CCDC18: variants seen among roughly 807,000 people sequenced by gnomAD.
CCDC18 encodes coiled-coil domain-containing protein 18.
Under a neutral mutation model 196.0 loss-of-function variants are expected in CCDC18, and 157 were observed. The observed-to-expected ratio is 0.80, with a 90% CI of 0.70 to 0.91. CCDC18 has a LOEUF of 0.91. CCDC18 is among the 40% of genes least tolerant of loss of function. The pLI, the probability that CCDC18 is intolerant of heterozygous loss-of-function variation, is 0.00. For synonymous variants in CCDC18, 482 were observed against 529.2 expected (o/e 0.91, Z 1.22); for missense variants, 1,465 against 1,611.6 (o/e 0.91, Z 1.56).
chr1:93,189,118 C>T (rs1390355189), intron 4 of CCDC18, among the ~76,000 whole-genome samples: 1 of 152,170 alleles, frequency 6.6e-6, no homozygotes, highest in East Asian at 1.9e-4. Context: ...CTCTCCCCAC[C>T]CCAACAACTG....
rs866033130 is a variant in CCDC18, at chr1:93,210,841, A to G, written c.1249A>G (p.Lys417Glu). The G allele has an allele frequency of 1.9e-6, 3 of 1,607,176 alleles. No homozygotes were observed. The highest frequency in any genetic ancestry group is 3.3e-4 in the Middle Eastern group (2 of 6,048). ...ATTTGGCTTTAAATCATATCTTTCT[A>G]AATACCAGATGAGTAGCTTCTCAAA... ...ELFGFKSYLSKYQMSSFSNKE... is the reference protein window; with the variant it reads ...ELFGFKSYLSEYQMSSFSNKE... Residue 417 changes from lysine (K) to glutamate (E), a missense_variant, in exon 10 of 29, where the codon AAA (lysine) becomes GAA (glutamate). Physicochemically the swap from Lys to Glu is moderately conservative, Grantham distance 56. Transcript: ENST00000690025.
rs756189232 is a variant in CCDC18, at chr1:93,183,406, G to A, written c.45G>A (p.Glu15=). 3 of 1,603,160 alleles carry A rather than the reference G, an allele frequency of 1.9e-6. No individual in the cohort carries two copies. The South Asian group carries it at 3.3e-5, about 18-fold the overall frequency. The part of the protein sequence containing the change: ...SSDYYNKDNE[E]ESLLANVASL... ...ACTACTATAATAAAGACAATGAAGAGGAAAGTTTGCTTGCAAATGTTGCTT... is the reference window on the plus strand; with the variant it reads ...ACTACTATAATAAAGACAATGAAGAAGAAAGTTTGCTTGCAAATGTTGCTT... Residue 15 remains glutamate, a synonymous_variant, in exon 2 of 29, where the codon GAG becomes GAA. Transcript: ENST00000690025.
Position 93,207,120 on chromosome 1 carries a change from G to C in CCDC18, c.931G>C (p.Glu311Gln). The C allele has an allele frequency of 6.7e-7, 1 of 1,495,946 alleles. No homozygotes were observed. 92.7% of individuals were successfully genotyped at this position (1,495,946 alleles called of 1,614,324 possible). A position where few individuals can be genotyped will look rare whatever the true frequency, so the allele number is the denominator to read the frequency against. ...TTTTCTTCATAGGCAGTTAAAAGAA[G>C]AAAATAACAACGGAAAAGAAAAATT... ...LKEKLRQLKE[E>Q]NNNGKEKLRI... Residue 311 changes from glutamate to glutamine, a missense_variant, in exon 9 of 29, where the codon GAA becomes CAA. By Grantham distance (29) the Glu-to-Gln change is conservative. Transcript: ENST00000690025.
intron 25 of CCDC18, among the ~76,000 whole-genome samples, chr1:93,258,083 A>C (rs894718171): frequency 7.4e-5 from 11 of 148,260 alleles, no homozygotes; most frequent in Non-Finnish European, 1.2e-4. Context: ...TAATTAAATT[A>C]ATTAAAATTA....
intron 6 of CCDC18, 114 bp downstream of exon 6, chr1:93,193,858 ATTAAC>A (rs1385953268): frequency 9.7e-6 from 7 of 720,548 alleles, no homozygotes; most frequent in African/African-American, 3.8e-5. Flanking sequence ...TTGGCAATAA[ATTAAC>A]TTAATGTTCT....
chr1:93,264,634 CTG>C, intron 26 of CCDC18, 65 bp from the exon 27 acceptor site: 1 of 896,934 alleles, frequency 1.1e-6, no homozygotes, highest in Non-Finnish European at 1.8e-6. Context: ...AAGCATTAGA[CTG>C]TTGTCGAATC....
chr1:93,248,076 C>G (rs568403375), intron 23 of CCDC18, among the ~76,000 whole-genome samples: 95 of 127,158 alleles, frequency 7.5e-4, no homozygotes, highest in African/African-American at 2.9e-3. Context: ...AGTGCAGTGG[C>G]TTGATCTCAG....
chr1:93,254,634 C>G lies in CCDC18; in HGVS notation c.3342+20C>G, dbSNP rs1187036739. 2 of 1,599,366 alleles carry G rather than the reference C, an allele frequency of 1.3e-6. No homozygotes were observed. The highest frequency in any genetic ancestry group is 3.5e-5 in the Admixed American group (2 of 57,560). ...GAGAGTGTAAGCAAATTATTTCCAC[C>G]TAAGGAACAAGTGGTAGTCTCTGTT... On this transcript the variant is annotated intron_variant, in intron 24 of 28. Coordinates refer to ENST00000690025, the MANE Select transcript of CCDC18 (RefSeq NM_001378204.1).
At chr1:93,213,681 T>C (rs1360872323) in intron 11 of CCDC18, among the ~76,000 whole-genome samples, 10 of 152,194 alleles carry the variant, frequency 6.6e-5, no homozygotes, top group Admixed American at 6.5e-4. Context: ...TTTTGTGTCA[T>C]TCATGATGAT....
intron 26 of CCDC18, chr1:93,262,296 A>C (rs1557707032): frequency 6.6e-6 from 1 of 152,208 alleles, no homozygotes; most frequent in Non-Finnish European, 1.5e-5. Flanking sequence ...GTCTTAACTC[A>C]TTCCAGCATT....
At chr1:93,234,973 G>GTGTGTGTGTGTGT (rs1557668666) in intron 18 of CCDC18, among the ~76,000 whole-genome samples, 52 of 146,212 alleles carry the variant, frequency 3.6e-4, no homozygotes, top group South Asian at 8.8e-4. Flanking sequence ...GTGTGTGTGT[G>GTGTGTGTGTGTGT]GCTTTTCTTT....
chr1:93,269,978 C>G (rs1665078029), intron 27 of CCDC18, among the ~76,000 whole-genome samples: 1 of 152,040 alleles, frequency 6.6e-6, no homozygotes, highest in East Asian at 1.9e-4. Context: ...CTTTTTGTGT[C>G]TATATGTGTT....
intron 7 of CCDC18, among the ~76,000 whole-genome samples, chr1:93,203,503 A>G (rs935236676): frequency 6.6e-6 from 1 of 152,214 alleles, no homozygotes; most frequent in Non-Finnish European, 1.5e-5. Context: ...ACAAGATGAA[A>G]GATACCCTGG....
intron 10 of CCDC18, 87 bp from the exon 11 acceptor site, chr1:93,212,014 A>G: frequency 8.6e-7 from 1 of 1,162,392 alleles, no homozygotes; most frequent in Non-Finnish European, 1.2e-6. Flanking sequence ...AATTTTTTAA[A>G]TCAACTTGAA....
chr1:93,185,118 A>C (rs1650407127), intron 3 of CCDC18, among the ~76,000 whole-genome samples: 1 of 151,964 alleles, frequency 6.6e-6, no homozygotes, highest in Non-Finnish European at 1.5e-5. Context: ...AACTAATGAA[A>C]AGGTGTCCAA....
At chr1:93,245,257 T>C (rs1048331668) in intron 21 of CCDC18, among the ~76,000 whole-genome samples, 2 of 152,240 alleles carry the variant, frequency 1.3e-5, no homozygotes, top group Non-Finnish European at 2.9e-5. Context: ...GCTATTTGCA[T>C]AGATAGAAGT....
chr1:93,242,999 A>G (rs574215876), intron 21 of CCDC18, among the ~76,000 whole-genome samples: 1 of 152,278 alleles, frequency 6.6e-6, no homozygotes, highest in South Asian at 2.1e-4. Flanking sequence ...TTCCAGGCTC[A>G]TGGTGCAAGC....
intron 3 of CCDC18, among the ~76,000 whole-genome samples, chr1:93,184,872 T>G (rs1315122204): frequency 1.3e-5 from 2 of 151,990 alleles, no homozygotes; most frequent in East Asian, 3.8e-4. Context: ...AGAAACAAAT[T>G]CAAATTCCAT....
chr1:93,273,982 A>G (rs1360230314), intron 28 of CCDC18, among the ~76,000 whole-genome samples: 1 of 152,188 alleles, frequency 6.6e-6, no homozygotes, highest in African/African-American at 2.4e-5. Context: ...TATTATCCTT[A>G]TGATATGAGG....
Sources: allele counts gnomAD v4.1 joint callset (sites outside exome capture counted in the v4.1 genomes callset), GRCh38; gene constraint gnomAD v4.1.1; transcripts MANE v1.5; gene names NCBI Gene and HGNC (gene_info 2026-07-23, HGNC 2026-07-21).